The following DEPDC5 variants were observed in gnomAD, a reference collection of about 807,000 sequenced individuals.
The protein encoded by DEPDC5 is DEP domain containing 5, GATOR1 subcomplex subunit.
Under a neutral mutation model 217.3 loss-of-function variants are expected in DEPDC5, and 73 were observed. The ratio of observed to expected loss-of-function variants is 0.34; its 90% confidence interval spans 0.28 to 0.41. DEPDC5 has a LOEUF of 0.41. Among genes scored for constraint, DEPDC5 ranks in the 10% least tolerant of loss-of-function variants. DEPDC5 has a pLI of 1.00. For synonymous variants in DEPDC5, 733 were observed against 756.7 expected, an observed-to-expected ratio of 0.97 and a Z score of 0.51; for missense variants, 1,675 against 2,070.1, an observed-to-expected ratio of 0.81 and a Z score of 3.70.
rs544338952 is a variant in DEPDC5 at position 31,775,245 on chromosome 22, T to C, written c.414-2854T>C. On this transcript the variant is annotated intron_variant, in intron 7 of 42. Coordinates refer to ENST00000651528, the MANE Select transcript of DEPDC5 (RefSeq NM_001242896.3). ...CCCAGGCTGGAGTGCAATGGTGCGA[T>C]CTGAGCTCATTGCAACCTCTGCCTC... Among the ~76,000 whole-genome samples the C allele has an allele frequency of 5.7e-4, 86 of 152,050 alleles. 1 individual carries two copies. In the South Asian group the frequency reaches 0.017, roughly 30 times the overall value.
intron 38 of DEPDC5, among the ~76,000 whole-genome samples, chr22:31,888,972 GA>G (rs1293777912): frequency 6.6e-6 from 1 of 152,094 alleles, no homozygotes; most frequent in South Asian, 2.1e-4. Flanking sequence ...GCTTCTCTTT[GA>G]AAAACCCCCT....
In DEPDC5 at chr22:31,837,053, C is replaced by T. The variant is rs2091058577; in HGVS notation, c.2252C>T (p.Ala751Val). The change falls in exon 26 of 43, where the codon GCG becomes GTG. Residue 751 changes from alanine to valine, a missense_variant. By Grantham distance (64) the Ala-to-Val change is moderately conservative. This residue lies in a region of DEPDC5 where 8 missense variants were observed against 30.3 expected (regional missense o/e 0.26). Transcript: ENST00000651528. ...GVDWKSLTTPACLPLTTDYFP... is the reference protein window; with the variant it reads ...GVDWKSLTTPVCLPLTTDYFP... ...GACTGGAAGTCTCTCACTACTCCGG[C>T]GTGCCTCCCCCTTACCACCGACTAC... is the stretch of plus-strand genomic sequence containing the variant. 6.2e-7 allele frequency: 1 copy of T among 1,614,136 alleles called. No homozygotes were observed. The highest frequency in any genetic ancestry group is 8.5e-7 in the Non-Finnish European group (1 of 1,180,026).
At chr22:31,877,220 G>C (rs1185696329) in intron 37 of DEPDC5, among the ~76,000 whole-genome samples, 5 of 151,532 alleles carry the variant, frequency 3.3e-5, no homozygotes, top group African/African-American at 1.2e-4. Context: ...TGGATTGCCT[G>C]AGCTCAGGAG....
At chr22:31,843,268 C>T in intron 28 of DEPDC5, 56 bp downstream of exon 28, 1 of 1,529,242 alleles carries the variant, frequency 6.5e-7, no homozygotes, top group South Asian at 1.2e-5. Context: ...TGGCCACATA[C>T]TAAATTGTGT....
chr22:31,821,401 A>G, intron 22 of DEPDC5, 101 bp from the exon 23 acceptor site: 1 of 1,494,530 alleles, frequency 6.7e-7, no homozygotes, highest in Non-Finnish European at 9.2e-7. Flanking sequence ...AATCTCACCA[A>G]CATCTGTATC....
chr22:31,810,669 C>T, intron 20 of DEPDC5, 28 bp downstream of exon 20: 2 of 1,612,220 alleles, frequency 1.2e-6, no homozygotes, highest in Non-Finnish European at 1.7e-6. Flanking sequence ...CTTGGGGGTG[C>T]ATATAAAAAT....
intron 14 of DEPDC5, 124 bp downstream of exon 14, chr22:31,798,780 C>A: frequency 2.4e-6 from 2 of 845,678 alleles, no homozygotes; most frequent in East Asian, 2.8e-5. Context: ...GAATTCAGGA[C>A]CAGTCCACAG....
chr22:31,881,051 C>T (rs944857201), intron 38 of DEPDC5, among the ~76,000 whole-genome samples: 1 of 151,084 alleles, frequency 6.6e-6, no homozygotes, highest in Non-Finnish European at 1.5e-5. Context: ...GTGGCTCATG[C>T]CTGTAGCCCA....
chr22:31,796,954 C>G (rs1030158158), intron 12 of DEPDC5, among the ~76,000 whole-genome samples: 9 of 151,704 alleles, frequency 5.9e-5, no homozygotes, highest in Non-Finnish European at 1.2e-4. Flanking sequence ...CTGGGCCTCC[C>G]AAAGTACTGG....
intron 40 of DEPDC5, among the ~76,000 whole-genome samples, chr22:31,899,345 G>T (rs746429906): frequency 8.6e-5 from 13 of 151,976 alleles, no homozygotes; most frequent in Non-Finnish European, 1.8e-4. Flanking sequence ...TGCTGTGTGT[G>T]TGGATTTTCT....
intron 39 of DEPDC5, among the ~76,000 whole-genome samples, chr22:31,897,001 C>T (rs2093564525): frequency 6.6e-6 from 1 of 152,054 alleles, no homozygotes; most frequent in African/African-American, 2.4e-5. Context: ...CCTGTAGTCC[C>T]AGCTACTTGG....
rs1049942718 is a variant in DEPDC5, at chr22:31,906,831, G to T, written c.*334G>T. The stretch of plus-strand genomic sequence containing the variant: ...CGGCCCCCATGAATGTCCTCGGAAG[G>T]GGGTGGCTCCTGGTAGCATCCTTTT... On this transcript the variant is annotated 3_prime_UTR_variant, in exon 43 of 43. Transcript: ENST00000651528. This position sits in a 1 kb window ranked among gnomAD's most constrained non-coding sequence, Gnocchi z 5.1. 2 of 430,532 alleles carry T rather than the reference G, an allele frequency of 4.6e-6. No homozygotes were observed. Among genetic ancestry groups the T allele is most frequent in the East Asian group, 4.2e-5 (1 of 24,022 alleles). 26.7% of individuals were successfully genotyped at this position (430,532 alleles called of 1,614,324 possible). A position where few individuals can be genotyped will look rare whatever the true frequency, so the allele number is the denominator to read the frequency against.
intron 24 of DEPDC5, among the ~76,000 whole-genome samples, chr22:31,824,712 A>G (rs2089996351): frequency 6.6e-6 from 1 of 152,046 alleles, no homozygotes; most frequent in Admixed American, 6.5e-5. Context: ...TCACACCTGT[A>G]ATCCCAGCAC....
At chr22:31,899,295 A>G (rs1463797472) in intron 40 of DEPDC5, among the ~76,000 whole-genome samples, 3 of 152,192 alleles carry the variant, frequency 2.0e-5, no homozygotes, top group Non-Finnish European at 2.9e-5. Flanking sequence ...GCCATTTCCT[A>G]TAGCAGCAAA....
At chr22:31,800,840 G>A (rs2086790144) in intron 14 of DEPDC5, among the ~76,000 whole-genome samples, 1 of 151,828 alleles carries the variant, frequency 6.6e-6, no homozygotes, top group Non-Finnish European at 1.5e-5. Flanking sequence ...AGCCAGCATG[G>A]TGGCGCACAC....
intron 31 of DEPDC5, chr22:31,852,786 T>A (rs2092098060): frequency 6.6e-6 from 1 of 152,224 alleles, no homozygotes; most frequent in South Asian, 2.1e-4. Flanking sequence ...AATTCCTTAA[T>A]ATCATGAAAT....
chr22:31,757,398 G>C (rs1355871131), intron 2 of DEPDC5: 1 of 152,194 alleles, frequency 6.6e-6, no homozygotes, highest in Non-Finnish European at 1.5e-5. Context: ...ACCTCAGGTT[G>C]GGAACAGAGC....
intron 7 of DEPDC5, among the ~76,000 whole-genome samples, chr22:31,774,054 A>C (rs1204098378): frequency 6.6e-6 from 1 of 152,156 alleles, no homozygotes; most frequent in Non-Finnish European, 1.5e-5. Context: ...CTGGGCAACA[A>C]GAACGAAACC....
intron 26 of DEPDC5, among the ~76,000 whole-genome samples, chr22:31,838,079 A>T (rs2091150027): frequency 6.6e-6 from 1 of 151,980 alleles, no homozygotes; most frequent in African/African-American, 2.4e-5. Context: ...TCGTTGATTG[A>T]TTTATTTTTA....
Sources: allele counts gnomAD v4.1 joint callset (sites outside exome capture counted in the v4.1 genomes callset), GRCh38; gene constraint gnomAD v4.1.1; regional missense constraint gnomAD v4.1.1; non-coding constraint Gnocchi (gnomAD v3.1); transcripts MANE v1.5; gene names NCBI Gene and HGNC (gene_info 2026-07-23, HGNC 2026-07-21).